The following ODR4 variants were observed in gnomAD, a reference collection of about 807,000 sequenced individuals.
The protein encoded by ODR4 is protein odr-4 homolog.
A neutral mutation model predicts 60.2 loss-of-function variants in ODR4; 47 were observed. That is an observed-to-expected ratio of 0.78 (90% CI 0.62 to 1.00). The LOEUF (loss-of-function observed/expected upper bound fraction) is 1.00, where lower values mean the gene tolerates loss of function less well. ODR4 is among the 50% of genes least tolerant of loss of function. The probability of loss-of-function intolerance (pLI) is 0.00; values close to 1 mark genes in which losing one functional copy is unlikely to be tolerated. For missense variants in ODR4, 488 were observed against 530.8 expected (o/e 0.92, Z 0.79); for synonymous variants, 178 against 175.5 (o/e 1.01, Z -0.11).
chr1:186,408,313 T>C (rs1235239830), intron 12 of ODR4, among the ~76,000 whole-genome samples: 1 of 152,062 alleles, frequency 6.6e-6, no homozygotes, highest in Admixed American at 6.6e-5. Context: ...TAATGAAGTA[T>C]AGTATGATTA....
intron 8 of ODR4, 59 bp downstream of exon 8, chr1:186,391,850 G>T: frequency 1.9e-6 from 2 of 1,058,486 alleles, no homozygotes; most frequent in South Asian, 2.8e-5. Flanking sequence ...AATAAAACAT[G>T]ACTTATTTTT....
At chr1:186,413,840 GCCTA>G (rs946231413) in intron 12 of ODR4, among the ~76,000 whole-genome samples, 60 of 152,236 alleles carry the variant, frequency 3.9e-4, no homozygotes, top group Middle Eastern at 3.4e-3. Context: ...AAATAGTTCT[GCCTA>G]CCTATCAGCA....
At chr1:186,398,285 T>C (rs1397569724) in intron 9 of ODR4, 28 bp from the exon 10 acceptor site, 1 of 1,541,246 alleles carries the variant, frequency 6.5e-7, no homozygotes, top group Non-Finnish European at 8.8e-7. Context: ...TGTTGGTTAT[T>C]AGAACTTAAA....
rs907030649 is a variant in ODR4, at chr1:186,413,964, C to T, written c.1187-3580C>T. ...GAATACTCTTAACATGATCAGTTTTCGATTTGTCTGAATTTGAAATGACTT... is the reference window on the plus strand; with the variant it reads ...GAATACTCTTAACATGATCAGTTTTTGATTTGTCTGAATTTGAAATGACTT... On this transcript the variant is annotated intron_variant, in intron 12 of 13. Coordinates refer to ENST00000287859, the MANE Select transcript of ODR4 (RefSeq NM_017847.6). Among the ~76,000 whole-genome samples, 4 of 152,128 alleles carry T rather than the reference C, an allele frequency of 2.6e-5. No homozygotes were observed. The East Asian group carries it at 5.8e-4, about 22-fold the overall frequency.
intron 12 of ODR4, among the ~76,000 whole-genome samples, chr1:186,408,147 C>T (rs1299869689): frequency 6.6e-6 from 1 of 151,980 alleles, no homozygotes; most frequent in Non-Finnish European, 1.5e-5. Flanking sequence ...TCCTATTTTC[C>T]AGATGAGAGA....
chr1:186,383,752 T>C (rs987552481), intron 3 of ODR4, among the ~76,000 whole-genome samples: 2 of 136,282 alleles, frequency 1.5e-5, no homozygotes, highest in African/African-American at 5.1e-5. Context: ...TGTGTAGTTA[T>C]ATTTAAAAAA....
chr1:186,401,541 CTCTT>C (rs891688544), intron 11 of ODR4: 9 of 178,568 alleles, frequency 5.0e-5, no homozygotes, highest in Non-Finnish European at 2.4e-5. Flanking sequence ...TCCTCTCTTT[CTCTT>C]TCTTTCTCCT....
intron 13 of ODR4, among the ~76,000 whole-genome samples, chr1:186,417,900 G>A (rs1661632945): frequency 6.6e-6 from 1 of 152,168 alleles, no homozygotes; most frequent in Admixed American, 6.6e-5. Flanking sequence ...AGAAAAAGCT[G>A]CAGAGTTTTG....
At chr1:186,390,632 A>ATATT (rs1156885743) in intron 6 of ODR4, 79 bp from the exon 7 acceptor site, 23 of 1,410,044 alleles carry the variant, frequency 1.6e-5, no homozygotes, top group Non-Finnish European at 2.3e-5. Flanking sequence ...TTTAGGTTGT[A>ATATT]TATTTAATAA....
chr1:186,418,663 T>C (rs999609417), intron 13 of ODR4, among the ~76,000 whole-genome samples: 2 of 152,202 alleles, frequency 1.3e-5, no homozygotes, highest in Admixed American at 1.3e-4. Flanking sequence ...GAGCTGCCGT[T>C]TTCTTTTAAC....
downstream of ODR4, among the ~76,000 whole-genome samples, chr1:186,423,923 T>C (rs923650961): frequency 6.6e-6 from 1 of 152,182 alleles, no homozygotes; most frequent in Non-Finnish European, 1.5e-5. Context: ...AATTAAGGAA[T>C]ACAACAATAC....
rs190575157 is a variant in ODR4 at position 186,408,334 on chromosome 1, T to C, written c.1186+2066T>C. Among the ~76,000 whole-genome samples the C allele has an allele frequency of 9.2e-5, 14 of 152,176 alleles. No individual in the cohort carries two copies. The East Asian group carries it at 2.5e-3, about 27-fold the overall frequency. On this transcript the variant is annotated intron_variant, in intron 12 of 13. Coordinates refer to ENST00000287859, the MANE Select transcript of ODR4 (RefSeq NM_017847.6). ...AGTATAGTATGATTATTTTCCATGA[T>C]ATAGATACATATTTTAGCCTGGCGT...
At chr1:186,392,901 G>A (rs763587603) in intron 8 of ODR4, among the ~76,000 whole-genome samples, 3 of 152,156 alleles carry the variant, frequency 2.0e-5, no homozygotes, top group Non-Finnish European at 4.4e-5. Flanking sequence ...GCTACTCGGG[G>A]TGCTGAGGCA....
chr1:186,377,887 T>C (rs768242100), intron 1 of ODR4, among the ~76,000 whole-genome samples: 4 of 152,086 alleles, frequency 2.6e-5, no homozygotes, highest in Non-Finnish European at 5.9e-5. Flanking sequence ...CTACTAAAAA[T>C]ACAAAAAATT....
At chr1:186,385,034 T>C (rs1055964124) in intron 3 of ODR4, among the ~76,000 whole-genome samples, 4 of 152,052 alleles carry the variant, frequency 2.6e-5, no homozygotes, top group Non-Finnish European at 5.9e-5. Flanking sequence ...AATACAGATA[T>C]GGAGATATCA....
chr1:186,385,208 C>T (rs2102023739), intron 3 of ODR4, among the ~76,000 whole-genome samples: 1 of 150,852 alleles, frequency 6.6e-6, no homozygotes, highest in South Asian at 2.1e-4. Flanking sequence ...CAAAGATGCC[C>T]AGTATCAGTA....
At chr1:186,429,465 T>C in the ODR4 span, among the ~76,000 whole-genome samples, 4 of 152,022 alleles carry the variant, frequency 2.6e-5, no homozygotes, top group African/African-American at 9.7e-5. Context: ...TACAATAAAA[T>C]AAGATATGCA....
intron 5 of ODR4, among the ~76,000 whole-genome samples, chr1:186,388,759 C>A (rs763335338): frequency 1.3e-5 from 2 of 152,166 alleles, no homozygotes; most frequent in Non-Finnish European, 2.9e-5. Flanking sequence ...AGCTTGAGAT[C>A]TGTAATATGA....
intron 6 of ODR4, 121 bp from the exon 7 acceptor site, chr1:186,390,590 C>CAT (rs1331323450): frequency 4.1e-6 from 4 of 985,722 alleles, no homozygotes; most frequent in Non-Finnish European, 4.6e-6. Context: ...AGGGTTTAGC[C>CAT]ATATATGTTA....
Sources: allele counts gnomAD v4.1 joint callset (sites outside exome capture counted in the v4.1 genomes callset), GRCh38; gene constraint gnomAD v4.1.1; transcripts MANE v1.5; gene names NCBI Gene and HGNC (gene_info 2026-07-23, HGNC 2026-07-21).